Variants in FAM135B observed in about 807,000 individuals in gnomAD.
FAM135B encodes protein FAM135B.
In FAM135B, 43 loss-of-function variants were observed where a neutral mutation model predicts 127.7. The observed-to-expected ratio is 0.34, with a 90% CI of 0.26 to 0.43. The LOEUF (loss-of-function observed/expected upper bound fraction) is 0.43, where lower values mean the gene tolerates loss of function less well. FAM135B is among the 20% of genes least tolerant of loss of function. The pLI is 1.00. For missense variants in FAM135B, 1,558 were observed against 1,725.6 expected, an observed-to-expected ratio of 0.90 and a Z score of 1.72; for synonymous variants, 670 against 665.1, an observed-to-expected ratio of 1.01 and a Z score of -0.11.
chr8:138,272,055 A>C (rs535382615), intron 3 of FAM135B, among the ~76,000 whole-genome samples: 128 of 151,866 alleles, frequency 8.4e-4, no homozygotes, highest in African/African-American at 3.0e-3. Flanking sequence ...TTCATTATTT[A>C]ACTCAACAAC....
intron 7 of FAM135B, among the ~76,000 whole-genome samples, chr8:138,214,403 G>C (rs1207930010): frequency 6.6e-6 from 1 of 152,148 alleles, no homozygotes; most frequent in African/African-American, 2.4e-5. Flanking sequence ...TCTGGACTAG[G>C]CACCAAGCTG....
chr8:138,415,710 A>T (rs1378101942), intron 1 of FAM135B, among the ~76,000 whole-genome samples: 1 of 152,200 alleles, frequency 6.6e-6, no homozygotes, highest in African/African-American at 2.4e-5. Flanking sequence ...GAGGGAGTTA[A>T]TTAGTGTGAA....
intron 1 of FAM135B, among the ~76,000 whole-genome samples, chr8:138,381,377 T>C (rs554833780): frequency 2.0e-5 from 3 of 152,102 alleles, no homozygotes; most frequent in Non-Finnish European, 4.4e-5. Context: ...AAATGTCCAA[T>C]CTAGCTTTTC....
chr8:138,402,840 A>C (rs556324630), intron 1 of FAM135B, among the ~76,000 whole-genome samples: 132 of 152,316 alleles, frequency 8.7e-4, no homozygotes, highest in African/African-American at 3.2e-3. Flanking sequence ...CACATGGTAA[A>C]GCCCTAACCC....
At chr8:138,417,233 C>A (rs571416967) in intron 1 of FAM135B, among the ~76,000 whole-genome samples, 1 of 152,316 alleles carries the variant, frequency 6.6e-6, no homozygotes, top group Non-Finnish European at 1.5e-5. Flanking sequence ...CTGTCCTCAT[C>A]TGCTGGCTTA....
Position 138,194,715 on chromosome 8 carries a change from A to C in FAM135B, c.873+543T>G, listed in dbSNP as rs535792590. On this transcript the variant is annotated intron_variant, in intron 9 of 19. Coordinates refer to ENST00000395297, the MANE Select transcript of FAM135B (RefSeq NM_015912.4). ...TCTTCATAGAGAAATAAGAGTACCC[A>C]CCCAGATATCTAACACAAGGGGGAT... Among the ~76,000 whole-genome samples the C allele has an allele frequency of 2.0e-5, 3 of 152,304 alleles. No individual in the cohort carries two copies. The East Asian group carries it at 5.8e-4, about 29-fold the overall frequency.
At chr8:138,370,176 T>C (rs1336498753) in intron 1 of FAM135B, among the ~76,000 whole-genome samples, 2 of 152,180 alleles carry the variant, frequency 1.3e-5, no homozygotes, top group Non-Finnish European at 2.9e-5. Flanking sequence ...GCAGAATGGC[T>C]GGGACCATGT....
chr8:138,409,382 A>G (rs1030263047), intron 1 of FAM135B, among the ~76,000 whole-genome samples: 2 of 152,188 alleles, frequency 1.3e-5, no homozygotes, highest in Admixed American at 1.3e-4. Context: ...ACATCAAAGA[A>G]GACTAATCAT....
intron 2 of FAM135B, among the ~76,000 whole-genome samples, chr8:138,315,909 G>T (rs1323254765): frequency 2.6e-5 from 4 of 152,122 alleles, no homozygotes; most frequent in Admixed American, 2.6e-4. Flanking sequence ...GTATAAACTT[G>T]CAGATATATA....
intron 1 of FAM135B, among the ~76,000 whole-genome samples, chr8:138,384,168 A>G (rs1055338665): frequency 3.9e-5 from 6 of 152,184 alleles, no homozygotes; most frequent in Non-Finnish European, 8.8e-5. Flanking sequence ...AGCTGCCTGC[A>G]TTGATACCAT....
chr8:138,206,425 A>C (rs71512385), intron 7 of FAM135B, among the ~76,000 whole-genome samples: 222 of 16,644 alleles, frequency 0.013, no homozygotes, highest in Middle Eastern at 0.033. Flanking sequence ...CTCCACCTAC[A>C]CACAGCTCTA....
chr8:138,206,382 ATCCCCTCCACCTACACACAGCTCTATCG>A (rs1246711185), intron 7 of FAM135B, among the ~76,000 whole-genome samples: 602 of 149,752 alleles, frequency 4.0e-3, no homozygotes, highest in East Asian at 8.4e-3. Context: ...CAACTCTATC[ATCCCCTCCACCTACACACAGCTCTATCG>A]TCCCCTCCAC....
At chr8:138,226,988 C>T (rs1309383592) in intron 7 of FAM135B, among the ~76,000 whole-genome samples, 1 of 152,160 alleles carries the variant, frequency 6.6e-6, no homozygotes, top group Non-Finnish European at 1.5e-5. Flanking sequence ...TGAGCCACCA[C>T]ACCCAGCCCT....
chr8:138,313,855 C>T (rs1222527444), intron 2 of FAM135B, among the ~76,000 whole-genome samples: 4 of 150,868 alleles, frequency 2.7e-5, no homozygotes, highest in African/African-American at 9.8e-5. Context: ...ACACTCACAG[C>T]ACCTTTGTGG....
At chr8:138,343,057 C>T (rs369894118) in intron 2 of FAM135B, among the ~76,000 whole-genome samples, 86 of 152,324 alleles carry the variant, frequency 5.6e-4, no homozygotes, top group African/African-American at 2.0e-3. Flanking sequence ...AATACGCATT[C>T]ATTTATTTAT....
chr8:138,391,966 G>C (rs1452509557), intron 1 of FAM135B, among the ~76,000 whole-genome samples: 1 of 152,158 alleles, frequency 6.6e-6, no homozygotes, highest in African/African-American at 2.4e-5. Flanking sequence ...CCTAGAGGAG[G>C]ATGGGTCTCT....
chr8:138,311,008 T>A, intron 2 of FAM135B, 88 bp from the exon 3 acceptor site: 1 of 987,752 alleles, frequency 1.0e-6, no homozygotes, highest in Non-Finnish European at 1.5e-6. Flanking sequence ...CTGAAAGCCA[T>A]AGGAAATCAG....
chr8:138,171,704 T>C (rs1820467513), intron 11 of FAM135B, among the ~76,000 whole-genome samples: 1 of 152,192 alleles, frequency 6.6e-6, no homozygotes, highest in Non-Finnish European at 1.5e-5. Context: ...GTCTGGACTC[T>C]ATGTGGGCAA....
chr8:138,174,878 T>A (rs994139411), intron 11 of FAM135B, among the ~76,000 whole-genome samples: 1 of 152,222 alleles, frequency 6.6e-6, no homozygotes, highest in African/African-American at 2.4e-5. Context: ...TATGTACTTG[T>A]AGGCCTTCCA....
Sources: gnomAD v4.1 joint callset for allele counts (sites outside exome capture counted in the v4.1 genomes callset) on GRCh38, gnomAD v4.1.1 for gene constraint, MANE v1.5 for transcripts, NCBI Gene and HGNC (gene_info 2026-07-23, HGNC 2026-07-21) for gene names.